PCDH15: variants seen among roughly 807,000 people sequenced by gnomAD.
PCDH15 encodes protocadherin related 15, also known as protocadherin-15.
PCDH15 carries 129 observed loss-of-function variants against 178.5 expected under a neutral mutation model. The observed-to-expected ratio is 0.72, with a 90% CI of 0.63 to 0.84. The LOEUF (loss-of-function observed/expected upper bound fraction) is 0.84. Ranked by LOEUF, PCDH15 falls within the 40% of genes least tolerant of loss-of-function variation. The pLI is 0.00. For synonymous variants in PCDH15, 800 were observed against 732.0 expected (o/e 1.09, Z -1.50); for missense variants, 2,230 against 2,099.9 (o/e 1.06, Z -1.21).
At chr10:54,516,736 G>A (rs2082262557) in intron 3 of PCDH15, among the ~76,000 whole-genome samples, 1 of 151,690 alleles carries the variant, frequency 6.6e-6, no homozygotes, top group Non-Finnish European at 1.5e-5. Context: ...CTCGAGAAGA[G>A]CAACTCCAAG....
chr10:55,220,934 AT>A (rs1247153342), intron 1 of PCDH15, among the ~76,000 whole-genome samples: 1 of 152,084 alleles, frequency 6.6e-6, no homozygotes, highest in Non-Finnish European at 1.5e-5. Context: ...CTTGTAAATT[AT>A]AAAATAAATT....
intron 9 of PCDH15, among the ~76,000 whole-genome samples, chr10:54,225,530 A>G (rs935112148): frequency 1.3e-5 from 2 of 152,126 alleles, no homozygotes; most frequent in African/African-American, 4.8e-5. Context: ...TCATACTTGT[A>G]CCACGGTGAT....
intron 1 of PCDH15, among the ~76,000 whole-genome samples, chr10:54,745,776 T>G (rs1381167823): frequency 2.0e-5 from 3 of 152,182 alleles, no homozygotes; most frequent in African/African-American, 4.8e-5. Flanking sequence ...AAGGCCAGAG[T>G]GCTTTCAAAT....
intron 10 of PCDH15, among the ~76,000 whole-genome samples, chr10:54,212,458 C>A (rs750111912): frequency 1.3e-5 from 2 of 152,186 alleles, no homozygotes; most frequent in Middle Eastern, 3.4e-3. Context: ...TGTCTCCAAG[C>A]GTTTACTTCT....
At chr10:54,769,950 A>G (rs930736039) in intron 1 of PCDH15, among the ~76,000 whole-genome samples, 6 of 152,168 alleles carry the variant, frequency 3.9e-5, no homozygotes, top group Non-Finnish European at 8.8e-5. Flanking sequence ...GTTGTCCAGT[A>G]TTGTAGTCTA....
At chr10:55,264,129 CA>C (rs1842220228) in intron 1 of PCDH15, among the ~76,000 whole-genome samples, 1 of 152,100 alleles carries the variant, frequency 6.6e-6, no homozygotes, top group Admixed American at 6.5e-5. Context: ...CTGATAACTG[CA>C]AATTCGTCAG....
At chr10:54,913,302 G>A (rs1954848551) in intron 2 of PCDH15, among the ~76,000 whole-genome samples, 1 of 152,156 alleles carries the variant, frequency 6.6e-6, no homozygotes, top group Non-Finnish European at 1.5e-5. Flanking sequence ...CCTCTGGGCA[G>A]CCTCACGACA....
chr10:54,997,718 A>G (rs545444179), intron 2 of PCDH15, among the ~76,000 whole-genome samples: 1 of 152,178 alleles, frequency 6.6e-6, no homozygotes, highest in Non-Finnish European at 1.5e-5. Flanking sequence ...TAATATTTAC[A>G]GGTTATAAAA....
chr10:54,875,795 G>A (rs2384581), intron 3 of PCDH15, among the ~76,000 whole-genome samples: 10,889 of 152,164 alleles, frequency 0.072, 470 homozygotes, highest in South Asian at 0.1. Context: ...TAGTTCTTGC[G>A]GCTTAAAGAA....
At chr10:55,248,747 G>C (rs913236070) in intron 1 of PCDH15, among the ~76,000 whole-genome samples, 4 of 151,910 alleles carry the variant, frequency 2.6e-5, no homozygotes, top group Admixed American at 6.6e-5. Flanking sequence ...TGTAGAGACA[G>C]GGTTTTGCCA....
intron 2 of PCDH15, among the ~76,000 whole-genome samples, chr10:55,127,775 T>C (rs1837940971): frequency 6.6e-6 from 1 of 152,052 alleles, no homozygotes; most frequent in African/African-American, 2.4e-5. Context: ...CTTGCAATCA[T>C]TTACGTATAA....
intron 3 of PCDH15, among the ~76,000 whole-genome samples, chr10:54,825,612 C>G (rs1294534021): frequency 1.3e-5 from 2 of 150,278 alleles, no homozygotes; most frequent in Non-Finnish European, 3.0e-5. Context: ...ATTTGCATTT[C>G]TCTGATGGCC....
At chr10:55,139,526 C>T (rs1316232681) in intron 2 of PCDH15, among the ~76,000 whole-genome samples, 1 of 152,054 alleles carries the variant, frequency 6.6e-6, no homozygotes, top group East Asian at 1.9e-4. Context: ...CCAAATGTTT[C>T]CACACCATTT....
intron 2 of PCDH15, among the ~76,000 whole-genome samples, chr10:55,004,931 G>A (rs1014729441): frequency 6.6e-6 from 1 of 151,954 alleles, no homozygotes; most frequent in African/African-American, 2.4e-5. Context: ...CATCAGAATG[G>A]GTAGTAAAAT....
intron 26 of PCDH15, among the ~76,000 whole-genome samples, chr10:53,888,704 T>TATATATATATAAA (rs1554845543): frequency 1.8e-5 from 2 of 110,288 alleles, no homozygotes; most frequent in Non-Finnish European, 3.8e-5. Context: ...TATATATATA[T>TATATATATATAAA]CTCCTGTGGA....
chr10:54,057,935 G>A (rs183151756), intron 18 of PCDH15, among the ~76,000 whole-genome samples: 66 of 152,292 alleles, frequency 4.3e-4, no homozygotes, highest in African/African-American at 1.4e-3. Context: ...CATAGCAAGA[G>A]TGACCTTAAC....
chr10:55,508,936 A>C (rs1840818967), intron 2 of PCDH15, among the ~76,000 whole-genome samples: 1 of 151,724 alleles, frequency 6.6e-6, no homozygotes, highest in African/African-American at 2.4e-5. Flanking sequence ...AGGTCCAAAT[A>C]ACCAAAGCAA....
chr10:54,756,810 A>G (rs1283569822), intron 1 of PCDH15, among the ~76,000 whole-genome samples: 1 of 152,174 alleles, frequency 6.6e-6, no homozygotes, highest in Non-Finnish European at 1.5e-5. Context: ...CAGACTTCAC[A>G]ATTTTTCTAC....
chr10:53,953,991 C>G (rs1042054182), intron 23 of PCDH15, among the ~76,000 whole-genome samples: 2 of 152,058 alleles, frequency 1.3e-5, no homozygotes, highest in Non-Finnish European at 2.9e-5. Context: ...AGGGTTTCAC[C>G]GTGTTAGCCA....
Sources: gnomAD v4.1 joint callset for allele counts (sites outside exome capture counted in the v4.1 genomes callset) on GRCh38, gnomAD v4.1.1 for gene constraint, MANE v1.5 for transcripts, NCBI Gene and HGNC (gene_info 2026-07-23, HGNC 2026-07-21) for gene names.